The following DCC variants were observed in gnomAD, a reference collection of about 807,000 sequenced individuals.
The protein encoded by DCC is netrin receptor DCC.
Under a neutral mutation model 172.5 loss-of-function variants are expected in DCC, and 58 were observed. The observed-to-expected ratio is 0.34, with a 90% CI of 0.27 to 0.42. The LOEUF (loss-of-function observed/expected upper bound fraction) is 0.42. Among genes scored for constraint, DCC ranks in the 10% least tolerant of loss-of-function variants. DCC has a pLI of 1.00. For synonymous variants in DCC, 709 were observed against 644.5 expected, an observed-to-expected ratio of 1.10 and a Z score of -1.52; for missense variants, 1,740 against 1,791.0, an observed-to-expected ratio of 0.97 and a Z score of 0.51.
chr18:53,330,540 C>A (rs902584067), intron 14 of DCC, among the ~76,000 whole-genome samples: 1 of 152,076 alleles, frequency 6.6e-6, no homozygotes, highest in African/African-American at 2.4e-5. Flanking sequence ...CTCTCTAGAC[C>A]CCATAGTGTT....
intron 1 of DCC, among the ~76,000 whole-genome samples, chr18:52,566,450 T>C (rs2033163203): frequency 6.6e-6 from 1 of 152,060 alleles, no homozygotes; most frequent in South Asian, 2.1e-4. Flanking sequence ...CAAACCACCA[T>C]GGCACATGCA....
intron 1 of DCC, among the ~76,000 whole-genome samples, chr18:52,661,082 T>C (rs1568280023): frequency 1.3e-5 from 2 of 151,900 alleles, no homozygotes; most frequent in Non-Finnish European, 2.9e-5. Flanking sequence ...AAAAGCAAAA[T>C]TTTGGAATTC....
chr18:52,912,092 A>G (rs1359482534), intron 3 of DCC, among the ~76,000 whole-genome samples: 2 of 152,140 alleles, frequency 1.3e-5, no homozygotes, highest in African/African-American at 4.8e-5. Context: ...GAACTGTTAT[A>G]GTAAGTGGTT....
chr18:53,167,172 GT>G (rs1177296256), intron 8 of DCC, among the ~76,000 whole-genome samples: 4 of 152,132 alleles, frequency 2.6e-5, no homozygotes, highest in African/African-American at 9.7e-5. Flanking sequence ...CAACTCACAA[GT>G]TGTAACTAAA....
In DCC at chr18:53,175,754, A is replaced by G. The variant is rs1302034169; in HGVS notation, c.1419-3208A>G. Among the ~76,000 whole-genome samples the G allele has an allele frequency of 4.6e-5, 7 of 152,214 alleles. No individual in the cohort carries two copies. In the East Asian group the frequency reaches 9.7e-4, roughly 21 times the overall value. ...TATCGTGAAAATGGCCATACTGCCC[A>G]AGGTAATTTACAGATTCAATGCCAT... On this transcript the variant is annotated intron_variant, in intron 8 of 28. Transcript: ENST00000442544.
At chr18:53,450,377 C>T in intron 22 of DCC, 123 bp from the exon 23 acceptor site, 1 of 1,000,544 alleles carries the variant, frequency 1.0e-6, no homozygotes, top group Non-Finnish European at 1.6e-6. Context: ...CTCGAACTCC[C>T]ATCACTACCC....
rs2057794760 is a variant in DCC at position 53,351,320 on chromosome 18, G to GCA, written c.2359+11413_2359+11414insCA. On this transcript the variant is annotated intron_variant, in intron 15 of 28. Transcript: ENST00000442544. Reference sequence around the variant, plus strand: ...ATATATATATATATATATATACACTGTATATATATATACAGTGTATATATA... The same window carrying GCA: ...ATATATATATATATATATATACACTGCATATATATATATACAGTGTATATATA... Among the ~76,000 whole-genome samples, 2 of 29,632 alleles carry GCA rather than the reference G, an allele frequency of 6.7e-5. 1 individual carries two copies. The highest frequency in any genetic ancestry group is 1.3e-4 in the Non-Finnish European group (2 of 15,330). The allele number at this position is 29,632 out of a possible 152,430, so 19.4% of individuals were successfully genotyped here. A position where few individuals can be genotyped will look rare whatever the true frequency, so the allele number is the denominator to read the frequency against.
chr18:53,198,448 TCTCTCTCA>T (rs905004549), intron 9 of DCC, among the ~76,000 whole-genome samples: 37 of 129,156 alleles, frequency 2.9e-4, no homozygotes, highest in African/African-American at 8.6e-4. Flanking sequence ...TCTCTCTCTC[TCTCTCTCA>T]CACACACACA....
intron 2 of DCC, among the ~76,000 whole-genome samples, chr18:52,776,781 A>AT (rs1387411764): frequency 1.3e-5 from 2 of 152,212 alleles, no homozygotes; most frequent in East Asian, 3.8e-4. Context: ...TCATAAAACA[A>AT]TGTTCCTTAT....
At chr18:53,096,216 A>T (rs1340712403) in intron 7 of DCC, among the ~76,000 whole-genome samples, 5 of 152,106 alleles carry the variant, frequency 3.3e-5, no homozygotes, top group African/African-American at 1.2e-4. Flanking sequence ...CTGCAAGTCT[A>T]TAGTCCTAGC....
At chr18:52,459,040 C>T (rs915913136) in intron 1 of DCC, among the ~76,000 whole-genome samples, 1 of 152,070 alleles carries the variant, frequency 6.6e-6, no homozygotes, top group Non-Finnish European at 1.5e-5. Flanking sequence ...CTGAAGCCGC[C>T]TGTAAATTAG....
chr18:52,965,036 T>A (rs541236379), intron 5 of DCC: 1 of 152,186 alleles, frequency 6.6e-6, no homozygotes, highest in Non-Finnish European at 1.5e-5. Flanking sequence ...TTGAGGATCC[T>A]TGTGTTTACA....
At chr18:52,645,361 C>A (rs943730934) in intron 1 of DCC, among the ~76,000 whole-genome samples, 2 of 151,764 alleles carry the variant, frequency 1.3e-5, no homozygotes, top group African/African-American at 4.8e-5. Context: ...TGACATAAAC[C>A]ACCTAACTAG....
intron 14 of DCC, among the ~76,000 whole-genome samples, chr18:53,336,737 G>A (rs151235379): frequency 1.1e-4 from 16 of 152,280 alleles, no homozygotes; most frequent in South Asian, 8.3e-4. Flanking sequence ...TTAGCTGGGC[G>A]TGGTGGCACA....
chr18:53,268,289 T>C (rs576782731), intron 12 of DCC, among the ~76,000 whole-genome samples: 28 of 152,196 alleles, frequency 1.8e-4, no homozygotes, highest in Non-Finnish European at 3.7e-4. Flanking sequence ...GGCAATCTGA[T>C]TTACACATAC....
At chr18:53,062,607 A>G (rs908075219) in intron 5 of DCC, among the ~76,000 whole-genome samples, 67 of 152,278 alleles carry the variant, frequency 4.4e-4, no homozygotes, top group African/African-American at 1.6e-3. Context: ...ATTAGCAAAG[A>G]TGTGTTATAT....
chr18:53,423,037 A>G (rs1910721413), intron 21 of DCC, among the ~76,000 whole-genome samples: 1 of 152,168 alleles, frequency 6.6e-6, no homozygotes, highest in Non-Finnish European at 1.5e-5. Context: ...CCCAGCAAGC[A>G]GTCAAGTAGC....
chr18:53,176,598 T>C (rs2055099034), intron 8 of DCC, among the ~76,000 whole-genome samples: 1 of 152,154 alleles, frequency 6.6e-6, no homozygotes, highest in East Asian at 1.9e-4. Context: ...TCACTGGTCA[T>C]CAGGGAAATG....
intron 21 of DCC, among the ~76,000 whole-genome samples, chr18:53,429,762 C>T (rs557106348): frequency 2.0e-5 from 3 of 152,182 alleles, no homozygotes; most frequent in African/African-American, 7.2e-5. Context: ...ATTTGTAGAG[C>T]ACCAGGGCTC....
Sources: allele counts gnomAD v4.1 joint callset (sites outside exome capture counted in the v4.1 genomes callset), GRCh38; gene constraint gnomAD v4.1.1; transcripts MANE v1.5; gene names NCBI Gene and HGNC (gene_info 2026-07-23, HGNC 2026-07-21).